PLIN2: variants seen among roughly 807,000 people sequenced by gnomAD.
PLIN2 encodes the protein perilipin-2.
PLIN2 carries 33 observed loss-of-function variants against 30.6 expected under a neutral mutation model. The ratio of observed to expected loss-of-function variants is 1.08; its 90% confidence interval spans 0.82 to 1.44. The LOEUF (loss-of-function observed/expected upper bound fraction) is 1.44. Ranked by LOEUF, PLIN2 falls within the 40% of genes most tolerant of loss-of-function variation. The pLI, the probability that PLIN2 is intolerant of heterozygous loss-of-function variation, is 0.00. For synonymous variants in PLIN2, 205 were observed against 201.1 expected, an observed-to-expected ratio of 1.02 and a Z score of -0.16; for missense variants, 610 against 531.8, an observed-to-expected ratio of 1.15 and a Z score of -1.45.
downstream of PLIN2, among the ~76,000 whole-genome samples, chr9:19,114,972 G>A (rs1197786549): frequency 2.6e-5 from 4 of 152,184 alleles, no homozygotes; most frequent in Admixed American, 2.6e-4. Context: ...AGTAAGTTAA[G>A]TCCAGCTAAG....
rs1332319551 is a variant in PLIN2 at position 19,126,219 on chromosome 9, G to A, written c.121C>T (p.Pro41Ser). 6 of 1,614,170 alleles carry A rather than the reference G, an allele frequency of 3.7e-6. No individual in the cohort carries two copies. Among genetic ancestry groups the A allele is most frequent in the Non-Finnish European group, 5.1e-6 (6 of 1,180,006 alleles). The change falls in exon 3 of 8, where the codon CCC (proline) becomes TCC (serine). Residue 41 changes from proline (P) to serine (S), a missense_variant. Physicochemically the swap from Pro to Ser is moderately conservative, Grantham distance 74. Transcript: ENST00000276914. ...SAYLSTKDQY[P>S]YLKSVCEMAE... Reference sequence around the variant, plus strand: ...ATCTCACACACAGACTTCAGGTAGGGATACTGGTCCTTTGTACTGAGATAG... The same window carrying A: ...ATCTCACACACAGACTTCAGGTAGGAATACTGGTCCTTTGTACTGAGATAG...
At chr9:19,117,907 G>A (rs1032207740) in intron 7 of PLIN2, among the ~76,000 whole-genome samples, 4 of 152,162 alleles carry the variant, frequency 2.6e-5, no homozygotes, top group African/African-American at 7.2e-5. Flanking sequence ...GTGAGCCATC[G>A]CGCCCAGCCA....
chr9:19,126,947 C>G (rs986176554), intron 1 of PLIN2, among the ~76,000 whole-genome samples: 2 of 152,018 alleles, frequency 1.3e-5, no homozygotes, highest in Non-Finnish European at 2.9e-5. Context: ...GAGGCTGAGG[C>G]AGGAGAATCG....
chr9:19,112,732 G>C (rs369935579), downstream of PLIN2, among the ~76,000 whole-genome samples: 872 of 145,710 alleles, frequency 6.0e-3, 10 homozygotes, highest in African/African-American at 0.021. Flanking sequence ...AAAAATGCCA[G>C]AACACCACAA....
At position 19,118,342 on chromosome 9, in the gene PLIN2, A is replaced by G. The variant is rs751915554; in HGVS notation, c.891T>C (p.Thr297=). ...EWKRSIGYDD[T]DESHCAEHIE... ...TTACCTCAGCACAGTGGGACTCATCAGTATCATCATATCCAATGCTCCTTT... is the reference window on the plus strand; with the variant it reads ...TTACCTCAGCACAGTGGGACTCATCGGTATCATCATATCCAATGCTCCTTT... Residue 297 remains threonine, a synonymous_variant, in exon 7 of 8, where the codon ACT becomes ACC. Coordinates refer to ENST00000276914, the MANE Select transcript of PLIN2 (RefSeq NM_001122.4). The G allele has an allele frequency of 6.2e-7, 1 of 1,613,260 alleles. No individual in the cohort carries two copies. The highest frequency in any genetic ancestry group is 2.2e-5 in the East Asian group (1 of 44,868).
chr9:19,109,547 A>AAG (rs1360776536), intron 2 of PLIN2, among the ~76,000 whole-genome samples: 1 of 151,142 alleles, frequency 6.6e-6, no homozygotes, highest in East Asian at 1.9e-4. Flanking sequence ...TCTGAAAAAA[A>AAG]AAAAAAAGAA....
chr9:19,126,229 C>G lies in PLIN2; in HGVS notation c.111G>C (p.Lys37Asn), dbSNP rs1289995963. The change falls in exon 3 of 8, where the codon AAG becomes AAC. Residue 37 changes from lysine to asparagine, a missense_variant. Physicochemically the swap from Lys to Asn is moderately conservative, Grantham distance 94 (BLOSUM62 0). Transcript: ENST00000276914. ...CAGACTTCAGGTAGGGATACTGGTC[C>G]TTTGTACTGAGATAGGCTGAGGACA... is the stretch of plus-strand genomic sequence containing the variant. ...DLMSSAYLST[K>N]DQYPYLKSVC... 16 of 1,614,110 alleles carry G rather than the reference C, an allele frequency of 9.9e-6. No homozygotes were observed. Among genetic ancestry groups the G allele is most frequent in the Non-Finnish European group, 1.3e-5 (15 of 1,180,016 alleles).
At chr9:19,125,059 C>T (rs923552640) in intron 3 of PLIN2, among the ~76,000 whole-genome samples, 2 of 152,132 alleles carry the variant, frequency 1.3e-5, no homozygotes, top group East Asian at 1.9e-4. Flanking sequence ...GAGTAGCTGC[C>T]TCAGGGTGGT....
intron 4 of PLIN2, chr9:19,123,273 A>G: frequency 1.6e-6 from 2 of 1,257,930 alleles, no homozygotes; most frequent in Non-Finnish European, 2.2e-6. Context: ...ATACCACAAG[A>G]CAATCAGTTA....
Position 19,127,223 on chromosome 9 carries a change from C to T in PLIN2, c.-23+196G>A, listed in dbSNP as rs1450966853. 6.6e-6 allele frequency among the ~76,000 whole-genome samples: 1 copy of T among 152,212 alleles called. No individual in the cohort carries two copies. Among genetic ancestry groups the T allele is most frequent in the Non-Finnish European group, 1.5e-5 (1 of 68,040 alleles). On this transcript the variant is annotated intron_variant, in intron 1 of 7. Coordinates refer to ENST00000276914, the MANE Select transcript of PLIN2 (RefSeq NM_001122.4). The surrounding 1 kb of genome is among the most constrained non-coding windows in gnomAD (Gnocchi z 4.3). The stretch of plus-strand genomic sequence containing the variant: ...TCGAAAGCGCGGGTTCAGCAGACCG[C>T]CCCTACCCAGCCAGGACCTGGAAGC...
chr9:19,122,301 C>A (rs531632086), intron 4 of PLIN2, among the ~76,000 whole-genome samples: 1 of 152,038 alleles, frequency 6.6e-6, no homozygotes, highest in Non-Finnish European at 1.5e-5. Context: ...ATATTTTGGT[C>A]AGCGATGGAC....
intron 4 of PLIN2, 110 bp downstream of exon 4, chr9:19,123,455 G>C: frequency 6.4e-7 from 1 of 1,573,702 alleles, no homozygotes; most frequent in Non-Finnish European, 8.6e-7. Context: ...TCCAGATCCA[G>C]GTTGGGAAAA....
Position 19,115,914 on chromosome 9 carries a change from T to C in PLIN2, c.*334A>G, listed in dbSNP as rs760233301. 3 of 192,314 alleles carry C rather than the reference T, an allele frequency of 1.6e-5. No individual in the cohort carries two copies. The highest frequency in any genetic ancestry group is 3.2e-5 in the Non-Finnish European group (3 of 93,738). The allele number at this position is 192,314 out of a possible 1,614,324, so 11.9% of individuals were successfully genotyped here. A position where few individuals can be genotyped will look rare whatever the true frequency, so the allele number is the denominator to read the frequency against. On this transcript the variant is annotated 3_prime_UTR_variant, in exon 8 of 8. Transcript: ENST00000276914. ...TCACACCAGAGCAGACACCAGTTTCTACCCCAGCCCACATGAAGATGTTTT... is the reference window on the plus strand; with the variant it reads ...TCACACCAGAGCAGACACCAGTTTCCACCCCAGCCCACATGAAGATGTTTT...
intron 6 of PLIN2, 40 bp from the exon 7 acceptor site, chr9:19,118,495 G>T (rs377068055): frequency 2.5e-6 from 4 of 1,588,422 alleles, no homozygotes; most frequent in Non-Finnish European, 3.4e-6. Context: ...ACACAAGTCA[G>T]ATATTCACGT....
At chr9:19,117,805 G>T (rs1428618987) in intron 7 of PLIN2, among the ~76,000 whole-genome samples, 1 of 151,936 alleles carries the variant, frequency 6.6e-6, no homozygotes, top group Non-Finnish European at 1.5e-5. Context: ...TTTTAGTAGA[G>T]ACAGGGTTTC....
At position 19,116,662 on chromosome 9, in the gene PLIN2, CTT is replaced by C. The variant is rs752766349; in HGVS notation, c.913-15_913-14del. On this transcript the variant is annotated splice_polypyrimidine_tract_variant and intron_variant, in intron 7 of 7. Coordinates refer to ENST00000276914, the MANE Select transcript of PLIN2 (RefSeq NM_001122.4). Reference sequence around the variant, plus strand: ...GTGACTCAATGTGCTAAAAATAAAACTTAAAATTAGCAGTGGATCCAACAGTG... The same window carrying C: ...GTGACTCAATGTGCTAAAAATAAAACAAAATTAGCAGTGGATCCAACAGTG... The C allele has an allele frequency of 5.0e-6, 8 of 1,606,086 alleles. No individual in the cohort carries two copies. The highest frequency in any genetic ancestry group is 6.8e-6 in the Non-Finnish European group (8 of 1,174,224).
At chr9:19,119,355 A>T (rs1457315250) in intron 6 of PLIN2, among the ~76,000 whole-genome samples, 1 of 152,206 alleles carries the variant, frequency 6.6e-6, no homozygotes, top group East Asian at 1.9e-4. Context: ...TTAGAGCAAG[A>T]GCTGCACAAG....
Position 19,118,395 on chromosome 9 carries a change from TATCCTGAGC to T in PLIN2, c.829_837del (p.Ala277_Asp279del), listed in dbSNP as rs770137191. Reference sequence around the variant, plus strand: ...CACTCTACCCATGAGAGGTAGAGCTTATCCTGAGCATCCTGAATTTTCTGATTGGCACTA... The same window carrying T: ...CACTCTACCCATGAGAGGTAGAGCTTATCCTGAATTTTCTGATTGGCACTA... On this transcript the variant is annotated inframe_deletion, in exon 7 of 8. Transcript: ENST00000276914. The T allele has an allele frequency of 6.2e-7, 1 of 1,612,934 alleles. No homozygotes were observed. The highest frequency in any genetic ancestry group is 8.5e-7 in the Non-Finnish European group (1 of 1,178,972).
At chr9:19,110,779 TCTA>T (rs1231292452), downstream of PLIN2, among the ~76,000 whole-genome samples, 15 of 152,166 alleles carry the variant, frequency 9.9e-5, no homozygotes, top group Non-Finnish European at 1.5e-4. Flanking sequence ...CCCAGCCAGC[TCTA>T]CTATCTTTTA....
Sources: allele counts gnomAD v4.1 joint callset (sites outside exome capture counted in the v4.1 genomes callset), GRCh38; gene constraint gnomAD v4.1.1; non-coding constraint Gnocchi (gnomAD v3.1); transcripts MANE v1.5; gene names NCBI Gene and HGNC (gene_info 2026-07-23, HGNC 2026-07-21).